GAA: variants seen among roughly 807,000 people sequenced by gnomAD.
GAA encodes alpha glucosidase, also known as lysosomal alpha-glucosidase.
In GAA, 88 loss-of-function variants were observed where a neutral mutation model predicts 103.9. That is an observed-to-expected ratio of 0.85 (90% CI 0.71 to 1.01). GAA has a LOEUF of 1.01. GAA is among the 50% of genes least tolerant of loss of function. GAA has a pLI of 0.00. For synonymous variants in GAA, 572 were observed against 563.1 expected (o/e 1.02, Z -0.22); for missense variants, 1,350 against 1,305.3 (o/e 1.03, Z -0.53).
intron 17 of GAA, among the ~76,000 whole-genome samples, 192 bp from the exon 18 acceptor site, chr17:80,118,001 G>T (rs1040465115): frequency 6.6e-6 from 1 of 152,222 alleles, no homozygotes; most frequent in Non-Finnish European, 1.5e-5. Context: ...TCGGGCAGCC[G>T]TGGGATAGCA....
intron 15 of GAA, among the ~76,000 whole-genome samples, chr17:80,114,879 T>G (rs1005694588): frequency 6.6e-6 from 1 of 152,214 alleles, no homozygotes; most frequent in African/African-American, 2.4e-5. Context: ...TAATTTCTCC[T>G]TCATTTTTTG....
intron 17 of GAA, 108 bp downstream of exon 17, chr17:80,117,857 C>T (rs1046717644): frequency 1.2e-5 from 14 of 1,167,620 alleles, no homozygotes; most frequent in African/African-American, 1.1e-4. Context: ...TCTGAGGGGC[C>T]GCCCCCCGCA....
rs117179405 is a variant in GAA, at chr17:80,114,927, G to A, written c.2189+1561G>A. Among the ~76,000 whole-genome samples the A allele has an allele frequency of 3.8e-3, 577 of 152,236 alleles. 5 individuals carry two copies. Among genetic ancestry groups the A allele is most frequent in the South Asian group, 0.017 (84 of 4,818 alleles). On this transcript the variant is annotated intron_variant, in intron 15 of 19. Transcript: ENST00000302262. ...AACGTAGGGTTCTTGACTGGCGGTC[G>A]TTTCTCTGAACACTTTGAACTTGTC...
At chr17:80,103,561 A>G (rs2039002622) in intron 1 of GAA, among the ~76,000 whole-genome samples, 1 of 152,188 alleles carries the variant, frequency 6.6e-6, no homozygotes, top group Admixed American at 6.5e-5. Flanking sequence ...ATAAAATATT[A>G]ATGTACAGAG....
chr17:80,111,120 G>A (rs2039227597), intron 11 of GAA, 95 bp downstream of exon 11: 9 of 1,164,418 alleles, frequency 7.7e-6, no homozygotes, highest in Admixed American at 2.0e-5. Context: ...CTGAGAAGCA[G>A]ATGGGCCAGC....
Position 80,104,452 on chromosome 17 carries a change from G to A in GAA, c.-32-103G>A. The A allele has an allele frequency of 1.2e-6, 1 of 807,478 alleles. No homozygotes were observed. Among genetic ancestry groups the A allele is most frequent in the Non-Finnish European group, 1.9e-6 (1 of 520,796 alleles). The allele number at this position is 807,478 out of a possible 1,614,324, so 50.0% of individuals were successfully genotyped here. A position where few individuals can be genotyped will look rare whatever the true frequency, so the allele number is the denominator to read the frequency against. On this transcript the variant is annotated intron_variant, in intron 1 of 19. Transcript: ENST00000302262. This position sits in a 1 kb window ranked among gnomAD's most constrained non-coding sequence, Gnocchi z 4.0. ...TGGCCACCTTACCCCACCTGCCTGG[G>A]TGCTGCAGTGCCAGCCGCGGTTGAT...
In GAA at chr17:80,107,539, C is replaced by G. The variant is rs976582329; in HGVS notation, c.693-18C>G. 1.2e-6 allele frequency: 2 copies of G among 1,612,838 alleles called. No homozygotes were observed. The highest frequency in any genetic ancestry group is 2.7e-5 in the African/African-American group (2 of 75,038). On this transcript the variant is annotated intron_variant, in intron 3 of 19. Coordinates refer to ENST00000302262, the MANE Select transcript of GAA (RefSeq NM_000152.5). ...GCCCCTTGGGTGTGAGCAAGCCTGG[C>G]TGGCCTCTGTCCCGCAGGCTGAACA...
chr17:80,104,597 G>A lies in GAA; in HGVS notation c.11G>A (p.Arg4Lys), dbSNP rs372147077. The A allele has an allele frequency of 3.0e-5, 48 of 1,610,564 alleles. No homozygotes were observed. The highest frequency in any genetic ancestry group is 3.7e-5 in the Non-Finnish European group (44 of 1,178,830). ...AGGCCATCTCCAACCATGGGAGTGAGGCACCCGCCCTGCTCCCACCGGCTC... is the reference window on the plus strand; with the variant it reads ...AGGCCATCTCCAACCATGGGAGTGAAGCACCCGCCCTGCTCCCACCGGCTC... MGV[R>K]HPPCSHRLLA... The change falls in exon 2 of 20, where the codon AGG becomes AAG. Residue 4 changes from arginine to lysine, a missense_variant. Transcript: ENST00000302262. This position sits in a 1 kb window ranked among gnomAD's most constrained non-coding sequence, Gnocchi z 4.0.
chr17:80,112,767 G>A, intron 13 of GAA, 56 bp downstream of exon 13: 1 of 1,581,448 alleles, frequency 6.3e-7, no homozygotes, highest in Non-Finnish European at 8.6e-7. Context: ...GCCTCTATGG[G>A]AGGCTTGCCG....
Position 80,117,693 on chromosome 17 carries a change from GCCCCCCTGGACACCATCAACGTCCA to G in GAA, c.2428_2452del (p.Pro810SerfsTer30). On this transcript the variant is annotated frameshift_variant, in exon 17 of 20. Transcript: ENST00000302262. LOFTEE classifies it high-confidence loss of function. The stretch of plus-strand genomic sequence containing the variant: ...CGAGGGGCAGTGGGTGACGCTGCCG[GCCCCCCTGGACACCATCAACGTCCA>G]CCTCCGGGCTGGGTACATCATCCCC... The G allele has an allele frequency of 6.2e-7, 1 of 1,612,382 alleles. No individual in the cohort carries two copies. Among genetic ancestry groups the G allele is most frequent in the African/African-American group, 1.3e-5 (1 of 75,030 alleles).
chr17:80,107,734 G>A lies in GAA; in HGVS notation c.858+12G>A. On this transcript the variant is annotated intron_variant, in intron 4 of 19. Coordinates refer to ENST00000302262, the MANE Select transcript of GAA (RefSeq NM_000152.5). ...ACCTTGCGCCCACGGTACAGCGGCG[G>A]GCGGCGGGCGGGGGCACTGAGCTGG... 2 of 1,607,096 alleles carry A rather than the reference G, an allele frequency of 1.2e-6. No homozygotes were observed. The highest frequency in any genetic ancestry group is 1.7e-6 in the Non-Finnish European group (2 of 1,177,740).
In GAA at chr17:80,103,421, G is replaced by A. The variant is rs1334415271; in HGVS notation, c.-32-1134G>A. On this transcript the variant is annotated intron_variant, in intron 1 of 19. Transcript: ENST00000302262. ...TTGCCTAGGTGCGGTGGCTCTCCCA[G>A]CCTTCCCCACGCCCTCCCCATGGTG... Among the ~76,000 whole-genome samples, 3 of 152,050 alleles carry A rather than the reference G, an allele frequency of 2.0e-5. No homozygotes were observed. The East Asian group carries it at 5.8e-4, about 29-fold the overall frequency.
intron 8 of GAA, 100 bp from the exon 9 acceptor site, chr17:80,109,845 A>G (rs2039187364): frequency 1.2e-6 from 1 of 834,720 alleles, no homozygotes. Context: ...CACACGCATG[A>G]TGTCATCCCC....
intron 12 of GAA, 198 bp from the exon 13 acceptor site, chr17:80,112,380 C>T: frequency 1.4e-6 from 1 of 697,030 alleles, no homozygotes; most frequent in South Asian, 1.8e-5. Flanking sequence ...TGGGGGGGGT[C>T]CTGGCTCACC....
Position 80,110,459 on chromosome 17 carries a change from C to T in GAA, c.1438-268C>T, listed in dbSNP as rs1418607586. Among the ~76,000 whole-genome samples, 5 of 152,376 alleles carry T rather than the reference C, an allele frequency of 3.3e-5. 1 individual carries two copies. In the South Asian group the frequency reaches 8.3e-4, roughly 25 times the overall value. On this transcript the variant is annotated intron_variant, in intron 9 of 19. Transcript: ENST00000302262. Reference sequence around the variant, plus strand: ...CCGTCTCCGCTGCCCTTCTCCCTGACGCTCTCTGGTTCTGCAGCCCAGCCC... The same window carrying T: ...CCGTCTCCGCTGCCCTTCTCCCTGATGCTCTCTGGTTCTGCAGCCCAGCCC...
chr17:80,102,106 A>C (rs2038966068), intron 1 of GAA: 1 of 152,744 alleles, frequency 6.5e-6, no homozygotes, highest in Non-Finnish European at 1.5e-5. Flanking sequence ...TCCCGTTTCT[A>C]GGGTTTCCTT....
In GAA at chr17:80,112,441, C is replaced by T. The variant is rs199667219; in HGVS notation, c.1755-137C>T. The T allele has an allele frequency of 1.0e-5, 11 of 1,095,024 alleles. No individual in the cohort carries two copies. The East Asian group carries it at 2.0e-4, about 20-fold the overall frequency. 67.8% of individuals were successfully genotyped at this position (1,095,024 alleles called of 1,614,324 possible). ...AGGCAACTGTGCCCGCAGACATGGG[C>T]AGTAGCCTCGCCGTCCTCCTCCCCA... On this transcript the variant is annotated intron_variant, in intron 12 of 19. Transcript: ENST00000302262.
In GAA at chr17:80,105,037, A is replaced by G. The variant is rs1330888254; in HGVS notation, c.451A>G (p.Thr151Ala). The G allele has an allele frequency of 1.2e-6, 2 of 1,612,862 alleles. No homozygotes were observed. The highest frequency in any genetic ancestry group is 1.7e-6 in the Non-Finnish European group (2 of 1,180,010). Residue 151 changes from threonine to alanine, a missense_variant, in exon 2 of 20, where the codon ACC becomes GCC. Coordinates refer to ENST00000302262, the MANE Select transcript of GAA (RefSeq NM_000152.5). Reference protein sequence around the residue: ...LSSSEMGYTATLTRTTPTFFP... With the variant: ...LSSSEMGYTAALTRTTPTFFP... ...CTCCTCTGAAATGGGCTACACGGCC[A>G]CCCTGACCCGTACCACCCCCACCTT...
At chr17:80,118,526 G>T (rs532626257) in intron 18 of GAA, 127 bp from the exon 19 acceptor site, 1 of 1,390,716 alleles carries the variant, frequency 7.2e-7, no homozygotes, top group African/African-American at 1.4e-5. Context: ...CTGCCCTTTC[G>T]TGTACACAGA....
Sources: gnomAD v4.1 joint callset for allele counts (sites outside exome capture counted in the v4.1 genomes callset) on GRCh38, gnomAD v4.1.1 for gene constraint, Gnocchi (gnomAD v3.1) non-coding constraint, MANE v1.5 for transcripts, NCBI Gene and HGNC (gene_info 2026-07-23, HGNC 2026-07-21) for gene names.